Variants in LCORL observed in about 807,000 individuals in gnomAD.
LCORL encodes ligand dependent nuclear receptor corepressor like.
LCORL carries 41 observed loss-of-function variants against 141.8 expected under a neutral mutation model. The observed-to-expected ratio is 0.29, with a 90% confidence interval of 0.23 to 0.38. The LOEUF is 0.38. LCORL is among the 10% of genes least tolerant of loss of function. The probability of loss-of-function intolerance (pLI) is 1.00; values close to 1 mark genes in which losing one functional copy is unlikely to be tolerated. For missense variants in LCORL, 1,759 were observed against 2,035.0 expected (o/e 0.86, Z 2.61); for synonymous variants, 618 against 694.1 (o/e 0.89, Z 1.72).
intron 4 of LCORL, among the ~76,000 whole-genome samples, chr4:17,936,613 T>C (rs1270919803): frequency 8.5e-5 from 13 of 152,228 alleles, no homozygotes; most frequent in African/African-American, 3.1e-4. Flanking sequence ...AGAATCTGAA[T>C]CTGTTTGGTT....
intron 4 of LCORL, among the ~76,000 whole-genome samples, chr4:17,924,684 T>C (rs1273416873): frequency 1.3e-5 from 2 of 152,182 alleles, no homozygotes; most frequent in African/African-American, 2.4e-5. Flanking sequence ...CCACATAGCA[T>C]TGCCTCTAAC....
At chr4:17,879,223 C>T (rs1727254642) in intron 6 of LCORL, among the ~76,000 whole-genome samples, 1 of 150,980 alleles carries the variant, frequency 6.6e-6, no homozygotes, top group Admixed American at 6.6e-5. Context: ...AAGATTTTTA[C>T]TTTAAAACAG....
At chr4:17,875,103 T>A in exon 7 of LCORL, 1 of 1,233,628 alleles carries the variant, frequency 8.1e-7, no homozygotes. Context: ...CTGTTGGTCA[T>A]ACTTTTCTTC....
chr4:17,894,791 C>G (rs1729638081), intron 5 of LCORL, among the ~76,000 whole-genome samples: 1 of 152,068 alleles, frequency 6.6e-6, no homozygotes. Context: ...CAGGGATTCT[C>G]AGGGCTTCCT....
intron 6 of LCORL, among the ~76,000 whole-genome samples, chr4:17,879,217 T>A (rs1034535476): frequency 1.3e-5 from 2 of 151,154 alleles, no homozygotes; most frequent in African/African-American, 2.4e-5. Flanking sequence ...AATTATAAGA[T>A]TTTTACTTTA....
Position 18,021,701 on chromosome 4 carries a change from G to GGCGGCAGCA in LCORL, c.42_50dup (p.Ala20_Ala22dup), listed in dbSNP as rs1355428409. 5.9e-6 allele frequency: 9 copies of GGCGGCAGCA among 1,529,506 alleles called. No individual in the cohort carries two copies. The East Asian group carries it at 7.5e-5, about 13-fold the overall frequency. The allele number at this position is 1,529,506 out of a possible 1,614,324, so 94.7% of individuals were successfully genotyped here. A position where few individuals can be genotyped will look rare whatever the true frequency, so the allele number is the denominator to read the frequency against. On this transcript the variant is annotated inframe_insertion, in exon 1 of 8. Transcript: ENST00000635767. This position sits in a 1 kb window ranked among gnomAD's most constrained non-coding sequence, Gnocchi z 5.5. ...TCCGGCACTGAGCGGCGGCGGCGGC[G>GGCGGCAGCA]GCGGCAGCAGCGGCGGCGGCAGCGG...
chr4:17,943,855 C>T (rs1253742727), intron 4 of LCORL, among the ~76,000 whole-genome samples: 1 of 152,054 alleles, frequency 6.6e-6, no homozygotes, highest in Non-Finnish European at 1.5e-5. Flanking sequence ...GAATCCATAC[C>T]ATTATCACAA....
chr4:18,002,007 AAGGCATAATTT>A (rs1169323384), intron 1 of LCORL, among the ~76,000 whole-genome samples: 8 of 152,352 alleles, frequency 5.3e-5, no homozygotes, highest in African/African-American at 1.9e-4. Context: ...CAGATTTTCC[AAGGCATAATTT>A]GGTGTGGATC....
chr4:17,884,089 T>C lies in LCORL; in HGVS notation c.776+1979A>G. 2 of 1,550,718 alleles carry C rather than the reference T, an allele frequency of 1.3e-6. No homozygotes were observed. Among genetic ancestry groups the C allele is most frequent in the South Asian group, 1.2e-5 (1 of 84,038 alleles). On this transcript the variant is annotated intron_variant, in intron 6 of 7. Transcript: ENST00000635767. This position sits in a 1 kb window ranked among gnomAD's most constrained non-coding sequence, Gnocchi z 4.4. ...GACACAAAGGAGAGAGGTCCCCATG[T>C]AGAAAGTAAGAGTCAACACTTGAGT...
chr4:17,988,175 T>G (rs1241298140), intron 1 of LCORL, among the ~76,000 whole-genome samples: 1 of 152,238 alleles, frequency 6.6e-6, no homozygotes, highest in African/African-American at 2.4e-5. Flanking sequence ...TGCTCCTCCT[T>G]GCCTTCCGCC....
At chr4:17,869,525 A>T (rs1726086646) in intron 7 of LCORL, among the ~76,000 whole-genome samples, 1 of 152,092 alleles carries the variant, frequency 6.6e-6, no homozygotes, top group African/African-American at 2.4e-5. Flanking sequence ...ATTTCCATTC[A>T]CCACATTCTC....
intron 6 of LCORL, chr4:17,883,492 A>G (rs1357826404): frequency 8.0e-7 from 1 of 1,243,526 alleles, no homozygotes; most frequent in East Asian, 3.1e-5. Flanking sequence ...TATCAGAATT[A>G]AGTAAGCAAC....
chr4:17,922,623 C>A (rs150446383), intron 4 of LCORL, among the ~76,000 whole-genome samples: 7 of 152,240 alleles, frequency 4.6e-5, no homozygotes, highest in African/African-American at 1.4e-4. Flanking sequence ...CAAGAAAGAG[C>A]TGAAATTGTG....
chr4:17,992,668 G>A (rs530984130), intron 1 of LCORL, among the ~76,000 whole-genome samples: 1 of 152,250 alleles, frequency 6.6e-6, no homozygotes, highest in South Asian at 2.1e-4. Flanking sequence ...GAGCAAATCT[G>A]ATAACTTTGA....
intron 3 of LCORL, among the ~76,000 whole-genome samples, chr4:17,962,334 G>A (rs906034746): frequency 3.5e-4 from 53 of 151,106 alleles, no homozygotes; most frequent in African/African-American, 1.2e-3. Context: ...CAATCCTATC[G>A]GAGAGTTTTA....
At chr4:17,895,427 G>C (rs575558776) in intron 5 of LCORL, among the ~76,000 whole-genome samples, 6 of 152,096 alleles carry the variant, frequency 3.9e-5, no homozygotes, top group African/African-American at 1.4e-4. Context: ...CTACTGTGCT[G>C]GACTTATTTC....
chr4:17,875,527 G>A lies in LCORL; in HGVS notation c.3463C>T (p.His1155Tyr), dbSNP rs965690473. The change falls in exon 7 of 8, where the codon CAT becomes TAT. Residue 1155 changes from histidine (H) to tyrosine (Y), a missense_variant. By Grantham distance (83) the His-to-Tyr change is moderately conservative (BLOSUM62 2). Coordinates refer to ENST00000635767, the Ensembl canonical transcript of LCORL. The stretch of plus-strand genomic sequence containing the variant: ...ATGTTTACCCTTCCTTCAGAAACAT[G>A]CCTTTTAGTTCTTCTTGACCTTCCG... The A allele has an allele frequency of 3.2e-5, 40 of 1,230,992 alleles. No individual in the cohort carries two copies. In the African/African-American group the frequency reaches 5.6e-4, roughly 17 times the overall value. 76.3% of individuals were successfully genotyped at this position (1,230,992 alleles called of 1,614,324 possible).
exon 7 of LCORL, chr4:17,877,156 A>G (rs1727010391): frequency 8.1e-7 from 1 of 1,230,866 alleles, no homozygotes; most frequent in East Asian, 3.2e-5. Context: ...CGCATTGCAA[A>G]TAAAGTTTCT....
intron 4 of LCORL, among the ~76,000 whole-genome samples, chr4:17,929,169 T>C (rs896877204): frequency 2.0e-5 from 3 of 152,192 alleles, no homozygotes; most frequent in African/African-American, 7.2e-5. Context: ...TGTTCACAGA[T>C]TGAAGAACTT....
Sources: allele counts gnomAD v4.1 joint callset (sites outside exome capture counted in the v4.1 genomes callset), GRCh38; gene constraint gnomAD v4.1.1; non-coding constraint Gnocchi (gnomAD v3.1); transcripts MANE v1.5; gene names NCBI Gene and HGNC (gene_info 2026-07-23, HGNC 2026-07-21).